SRP19: variants seen among roughly 807,000 people sequenced by gnomAD.
SRP19 encodes the protein signal recognition particle 19 kDa protein.
SRP19 carries 11 observed loss-of-function variants against 22.4 expected under a neutral mutation model. The observed-to-expected ratio is 0.49, with a 90% CI of 0.31 to 0.81. The LOEUF (loss-of-function observed/expected upper bound fraction) is 0.81, where lower values mean the gene tolerates loss of function less well. Among genes scored for constraint, SRP19 ranks in the 40% least tolerant of loss-of-function variants. The pLI is 0.05. For missense variants in SRP19, 168 were observed against 175.9 expected (o/e 0.96, Z 0.25); for synonymous variants, 61 against 57.6 (o/e 1.06, Z -0.27).
chr5:112,873,635 C>G (rs955484995), downstream of SRP19, among the ~76,000 whole-genome samples: 3 of 152,112 alleles, frequency 2.0e-5, no homozygotes, highest in African/African-American at 7.2e-5. Flanking sequence ...GCATGAGCCA[C>G]TGCACCCGGC....
intron 1 of SRP19, among the ~76,000 whole-genome samples, chr5:112,861,660 A>G (rs542464346): frequency 5.3e-5 from 8 of 152,358 alleles, no homozygotes; most frequent in African/African-American, 1.9e-4. Context: ...TACGCGAGAC[A>G]AGGATTTTGG....
intron 4 of SRP19, among the ~76,000 whole-genome samples, chr5:112,889,236 AAAAAC>A (rs142575763): frequency 0.049 from 7,338 of 150,692 alleles, 980 homozygotes; most frequent in African/African-American, 0.17. Context: ...AGCTCATCTC[AAAAAC>A]AAAACAAAAC....
intron 4 of SRP19, among the ~76,000 whole-genome samples, chr5:112,866,064 G>A (rs1231174652): frequency 6.6e-6 from 1 of 151,174 alleles, no homozygotes; most frequent in Non-Finnish European, 1.5e-5. Context: ...GTCTCACTCT[G>A]TCATCGAGGT....
At chr5:112,891,968 GAA>G in exon 5 of SRP19, 3 of 1,235,588 alleles carry the variant, frequency 2.4e-6, no homozygotes, top group Non-Finnish European at 3.6e-6. Flanking sequence ...GAACAAGAGA[GAA>G]AGTTAAAGGA....
At chr5:112,898,119 A>T (rs1341868071) in exon 4 of SRP19, 1 of 152,230 alleles carries the variant, frequency 6.6e-6, no homozygotes, top group Non-Finnish European at 1.5e-5. Context: ...CCACACTTCC[A>T]GTCAGCATGC....
chr5:112,896,758 C>A (rs531553186), downstream of SRP19: 1 of 152,082 alleles, frequency 6.6e-6, no homozygotes, highest in Non-Finnish European at 1.5e-5. Context: ...CATGGTGAAA[C>A]CCCGTCTCTA....
At chr5:112,896,910 CAG>C (rs914283003), downstream of SRP19, 1 of 152,122 alleles carries the variant, frequency 6.6e-6, no homozygotes, top group African/African-American at 2.4e-5. Context: ...GCCTGGGCGA[CAG>C]AGCAAGACTC....
chr5:112,892,134 G>A, exon 5 of SRP19: 1 of 1,614,124 alleles, frequency 6.2e-7, no homozygotes. Context: ...AACCACCCGT[G>A]GATTTCAGAG....
At chr5:112,884,368 C>G (rs1768167220) in intron 4 of SRP19, among the ~76,000 whole-genome samples, 1 of 151,744 alleles carries the variant, frequency 6.6e-6, no homozygotes. Flanking sequence ...CCCCATGGTT[C>G]CTTCTTTTAC....
At chr5:112,883,967 A>G (rs766078440) in intron 4 of SRP19, among the ~76,000 whole-genome samples, 5 of 152,198 alleles carry the variant, frequency 3.3e-5, no homozygotes, top group Non-Finnish European at 7.3e-5. Context: ...AAATATATCA[A>G]GAATCTGATA....
chr5:112,892,169 G>C lies in SRP19; in HGVS notation c.*562G>C, dbSNP rs371589323. The C allele has an allele frequency of 9.9e-6, 16 of 1,614,162 alleles. 1 individual carries two copies. In the South Asian group the frequency reaches 1.8e-4, roughly 18 times the overall value. ...GTAATGGAGAAGGATCGAGCTAATT[G>C]TCCCTTCTACAGTAAAACAGGAGCT... On this transcript the variant is annotated 3_prime_UTR_variant, in exon 5 of 5. Transcript: ENST00000391338.
chr5:112,871,007 T>C (rs1767746006), downstream of SRP19, among the ~76,000 whole-genome samples: 1 of 152,080 alleles, frequency 6.6e-6, no homozygotes, highest in Admixed American at 6.5e-5. Context: ...TGCCTGCCAC[T>C]GTACCCAGCT....
chr5:112,863,995 T>A (rs940690067), intron 2 of SRP19, among the ~76,000 whole-genome samples: 1 of 152,258 alleles, frequency 6.6e-6, no homozygotes, highest in Non-Finnish European at 1.5e-5. Context: ...TTTGAGGCTA[T>A]TATAAATAGA....
exon 5 of SRP19, chr5:112,892,298 G>A: frequency 6.2e-7 from 1 of 1,614,092 alleles, no homozygotes. Context: ...GAGCAGTGCA[G>A]GAGGGATGAC....
chr5:112,870,340 G>A (rs1767730032), downstream of SRP19, among the ~76,000 whole-genome samples: 1 of 152,066 alleles, frequency 6.6e-6, no homozygotes, highest in Non-Finnish European at 1.5e-5. Flanking sequence ...GAATTAGCTG[G>A]GCATGGTGGC....
In SRP19 at chr5:112,867,593, C is replaced by A; in HGVS notation, c.*56C>A. ...CTGTAAGAGACATGAATGGAGACTT[C>A]TAATTTGTATCGGAGGGAAACAGAA... On this transcript the variant is annotated 3_prime_UTR_variant, in exon 5 of 5. Transcript: ENST00000505459. The A allele has an allele frequency of 6.7e-7, 1 of 1,487,072 alleles. No individual in the cohort carries two copies. Among genetic ancestry groups the A allele is most frequent in the Non-Finnish European group, 9.0e-7 (1 of 1,115,494 alleles). 92.1% of individuals were successfully genotyped at this position (1,487,072 alleles called of 1,614,324 possible).
chr5:112,862,623 G>T, intron 2 of SRP19, 40 bp downstream of exon 2: 1 of 1,582,260 alleles, frequency 6.3e-7, no homozygotes, highest in Non-Finnish European at 8.7e-7. Flanking sequence ...CGAGGGAATG[G>T]GGGGTGTCAT....
intron 4 of SRP19, among the ~76,000 whole-genome samples, chr5:112,889,555 A>G (rs139249425): frequency 0.014 from 2,097 of 150,836 alleles, 176 homozygotes; most frequent in African/African-American, 0.048. Context: ...TGTTTGCAAT[A>G]GAATTATTTT....
chr5:112,867,601 T>A lies in SRP19; in HGVS notation c.*64T>A. On this transcript the variant is annotated 3_prime_UTR_variant, in exon 5 of 5. Coordinates refer to ENST00000505459, the MANE Select transcript of SRP19 (RefSeq NM_003135.3). ...GACATGAATGGAGACTTCTAATTTGTATCGGAGGGAAACAGAAGCTTTTTG... is the reference window on the plus strand; with the variant it reads ...GACATGAATGGAGACTTCTAATTTGAATCGGAGGGAAACAGAAGCTTTTTG... 1 of 1,453,160 alleles carries A rather than the reference T, an allele frequency of 6.9e-7. No individual in the cohort carries two copies. Among genetic ancestry groups the A allele is most frequent in the East Asian group, 2.4e-5 (1 of 41,128 alleles). 90.0% of individuals were successfully genotyped at this position (1,453,160 alleles called of 1,614,324 possible). A position where few individuals can be genotyped will look rare whatever the true frequency, so the allele number is the denominator to read the frequency against.
Sources: allele counts gnomAD v4.1 joint callset (sites outside exome capture counted in the v4.1 genomes callset), GRCh38; gene constraint gnomAD v4.1.1; transcripts MANE v1.5; gene names NCBI Gene and HGNC (gene_info 2026-07-23, HGNC 2026-07-21).